The following POU6F2 variants were observed in gnomAD, a reference collection of about 807,000 sequenced individuals.
The protein encoded by POU6F2 is POU domain, class 6, transcription factor 2.
Under a neutral mutation model 71.3 loss-of-function variants are expected in POU6F2, and 31 were observed. That is an observed-to-expected ratio of 0.43 (90% CI 0.33 to 0.59). The LOEUF (loss-of-function observed/expected upper bound fraction) is 0.59. Ranked by LOEUF, POU6F2 falls within the 20% of genes least tolerant of loss-of-function variation. The probability of loss-of-function intolerance (pLI) is 0.04; values close to 1 mark genes in which losing one functional copy is unlikely to be tolerated. For synonymous variants in POU6F2, 347 were observed against 355.7 expected, an observed-to-expected ratio of 0.98 and a Z score of 0.27; for missense variants, 783 against 856.8, an observed-to-expected ratio of 0.91 and a Z score of 1.07.
chr7:39,094,589 G>T (rs890007257), intron 2 of POU6F2, among the ~76,000 whole-genome samples: 1 of 151,866 alleles, frequency 6.6e-6, no homozygotes. Context: ...ATCTCCTTTT[G>T]CAGTTCTTCA....
chr7:39,217,653 T>C (rs2128747799), intron 4 of POU6F2, among the ~76,000 whole-genome samples: 1 of 152,296 alleles, frequency 6.6e-6, no homozygotes, highest in South Asian at 2.1e-4. Flanking sequence ...ATATTCACAG[T>C]GTTATTGAGA....
intron 5 of POU6F2, among the ~76,000 whole-genome samples, chr7:39,405,322 A>G (rs932685279): frequency 3.3e-5 from 5 of 152,240 alleles, no homozygotes; most frequent in African/African-American, 1.2e-4. Context: ...TATGATTTGA[A>G]GGGAAGAAGG....
intron 4 of POU6F2, among the ~76,000 whole-genome samples, chr7:39,268,365 C>T (rs537130894): frequency 2.1e-4 from 32 of 152,174 alleles, no homozygotes; most frequent in South Asian, 4.2e-4. Flanking sequence ...ACTTGTGGGA[C>T]AATCATACAA....
chr7:39,317,477 T>C (rs1785293212), intron 4 of POU6F2, among the ~76,000 whole-genome samples: 1 of 152,238 alleles, frequency 6.6e-6, no homozygotes, highest in African/African-American at 2.4e-5. Context: ...ACTCAGTTTT[T>C]GTGCCAAAGA....
intron 1 of POU6F2, among the ~76,000 whole-genome samples, chr7:38,996,852 C>T (rs1351848119): frequency 6.6e-6 from 1 of 152,168 alleles, no homozygotes; most frequent in Admixed American, 6.5e-5. Context: ...CTTGGGCCCT[C>T]AGTCACCTTG....
chr7:39,143,328 C>T (rs934814097), intron 2 of POU6F2, among the ~76,000 whole-genome samples: 1 of 152,132 alleles, frequency 6.6e-6, no homozygotes, highest in Non-Finnish European at 1.5e-5. Context: ...GTATACAGAG[C>T]TCACCTTCAC....
At chr7:39,085,725 A>G in intron 1 of POU6F2, 135 bp from the exon 2 acceptor site, 1 of 909,348 alleles carries the variant, frequency 1.1e-6, no homozygotes, top group South Asian at 1.6e-5. Context: ...GCAGCCAGAG[A>G]TAAGAGAGAG....
intron 1 of POU6F2, among the ~76,000 whole-genome samples, chr7:39,030,430 T>A (rs1247315866): frequency 6.8e-6 from 1 of 146,972 alleles, no homozygotes. Context: ...TTGCCTGAGA[T>A]CTGATTATTT....
intron 1 of POU6F2, among the ~76,000 whole-genome samples, chr7:39,082,718 C>T (rs1287694049): frequency 6.6e-6 from 1 of 151,334 alleles, no homozygotes; most frequent in Non-Finnish European, 1.5e-5. Flanking sequence ...TCAAATGGAC[C>T]CCCCAGTGGC....
chr7:39,033,101 G>T (rs573210644), intron 1 of POU6F2, among the ~76,000 whole-genome samples: 35 of 152,234 alleles, frequency 2.3e-4, no homozygotes, highest in African/African-American at 7.7e-4. Flanking sequence ...GACTATTAAC[G>T]TCACACGATT....
At chr7:39,214,176 A>C (rs1183079222) in intron 4 of POU6F2, among the ~76,000 whole-genome samples, 1 of 151,922 alleles carries the variant, frequency 6.6e-6, no homozygotes, top group Admixed American at 6.5e-5. Context: ...TGTTCCCTAC[A>C]CCCTTCTCTT....
intron 2 of POU6F2, among the ~76,000 whole-genome samples, chr7:39,182,730 C>T (rs1257508353): frequency 1.3e-5 from 2 of 152,082 alleles, no homozygotes; most frequent in African/African-American, 4.8e-5. Context: ...ATCCTTAAGT[C>T]ATTGTTTTCT....
intron 8 of POU6F2, among the ~76,000 whole-genome samples, chr7:39,453,821 G>A (rs1788718389): frequency 6.6e-6 from 1 of 152,186 alleles, no homozygotes; most frequent in Non-Finnish European, 1.5e-5. Context: ...GGGAAAGAGA[G>A]ACTCTTTTAC....
At chr7:39,353,151 G>A (rs1318984535) in intron 5 of POU6F2, among the ~76,000 whole-genome samples, 1 of 152,246 alleles carries the variant, frequency 6.6e-6, no homozygotes, top group African/African-American at 2.4e-5. Context: ...TCCAATGTCT[G>A]CCTGCCCCAG....
intron 8 of POU6F2, among the ~76,000 whole-genome samples, chr7:39,456,457 T>G (rs528804966): frequency 6.6e-6 from 1 of 152,314 alleles, no homozygotes; most frequent in Non-Finnish European, 1.5e-5. Flanking sequence ...CCTCAAGAGT[T>G]TAAGACAGAA....
chr7:39,378,201 G>C (rs2115782142), intron 5 of POU6F2, among the ~76,000 whole-genome samples: 1 of 152,236 alleles, frequency 6.6e-6, no homozygotes, highest in Non-Finnish European at 1.5e-5. Context: ...TCCATCCCAG[G>C]AACATCCTTG....
chr7:39,427,049 T>C (rs1484403264), intron 6 of POU6F2, among the ~76,000 whole-genome samples: 2 of 152,206 alleles, frequency 1.3e-5, no homozygotes, highest in African/African-American at 4.8e-5. Flanking sequence ...TTAAAAAATA[T>C]AACATTCAGA....
At chr7:39,212,641 G>A (rs528041509) in intron 4 of POU6F2, among the ~76,000 whole-genome samples, 1 of 152,246 alleles carries the variant, frequency 6.6e-6, no homozygotes, top group East Asian at 1.9e-4. Context: ...TCTGATGACT[G>A]TAAGCAAGCA....
At chr7:39,326,250 A>G (rs936960746) in intron 4 of POU6F2, among the ~76,000 whole-genome samples, 1 of 152,246 alleles carries the variant, frequency 6.6e-6, no homozygotes, top group Non-Finnish European at 1.5e-5. Flanking sequence ...TCAGACTTCT[A>G]GAAAAACAAC....
Sources: allele counts gnomAD v4.1 joint callset (sites outside exome capture counted in the v4.1 genomes callset), GRCh38; gene constraint gnomAD v4.1.1; transcripts MANE v1.5; gene names NCBI Gene and HGNC (gene_info 2026-07-23, HGNC 2026-07-21).